Variants in CUX1 observed in about 807,000 individuals in gnomAD.
The protein encoded by CUX1 is cut like homeobox 1, also known as protein CASP.
CUX1 carries 31 observed loss-of-function variants against 158.8 expected under a neutral mutation model. That is an observed-to-expected ratio of 0.20 (90% confidence interval 0.15 to 0.26). CUX1 has a LOEUF of 0.26. CUX1 is among the 10% of genes least tolerant of loss of function. The pLI is 1.00. For synonymous variants in CUX1, 879 were observed against 862.1 expected (o/e 1.02, Z -0.34); for missense variants, 1,589 against 2,014.6 (o/e 0.79, Z 4.04).
At chr7:102,137,308 G>A (rs1383856347) in intron 8 of CUX1, among the ~76,000 whole-genome samples, 3 of 152,166 alleles carry the variant, frequency 2.0e-5, no homozygotes, top group Admixed American at 1.3e-4. Flanking sequence ...TTTCTATTAG[G>A]TCGGTGCAAA....
At chr7:101,972,639 C>T (rs1193939646) in intron 2 of CUX1, among the ~76,000 whole-genome samples, 1 of 152,238 alleles carries the variant, frequency 6.6e-6, no homozygotes, top group Non-Finnish European at 1.5e-5. Flanking sequence ...GCCCTCACCA[C>T]CTCCTGTGTA....
intron 1 of CUX1, among the ~76,000 whole-genome samples, chr7:101,821,614 A>C (rs1456396751): frequency 6.7e-6 from 1 of 148,344 alleles, no homozygotes; most frequent in Non-Finnish European, 1.5e-5. Context: ...CTGGGATTAC[A>C]GGCGTGAGCC....
Position 102,117,029 on chromosome 7 carries a change from G to A in CUX1, c.674+1756G>A, listed in dbSNP as rs1301115388. Among the ~76,000 whole-genome samples, 4 of 152,292 alleles carry A rather than the reference G, an allele frequency of 2.6e-5. No individual in the cohort carries two copies. In the East Asian group the frequency reaches 5.8e-4, roughly 22 times the overall value. Reference sequence around the variant, plus strand: ...GCATGCCCAGTGCTGCAATCAAGGGGACAGGGCGCTGACGGTCAGCAGGTC... The same window carrying A: ...GCATGCCCAGTGCTGCAATCAAGGGAACAGGGCGCTGACGGTCAGCAGGTC... On this transcript the variant is annotated intron_variant, in intron 8 of 23. Transcript: ENST00000292535.
intron 2 of CUX1, among the ~76,000 whole-genome samples, chr7:102,015,255 TCTCA>T (rs1277815526): frequency 6.6e-6 from 1 of 151,930 alleles, no homozygotes. Context: ...TGGGATGGAG[TCTCA>T]CTCTGTCACC....
At chr7:102,011,141 A>G (rs1443515145) in intron 2 of CUX1, among the ~76,000 whole-genome samples, 1 of 151,950 alleles carries the variant, frequency 6.6e-6, no homozygotes, top group Non-Finnish European at 1.5e-5. Context: ...AAGTAAAATT[A>G]TATTGTTATT....
At chr7:102,271,250 G>A (rs1459503157) in intron 14 of CUX1, among the ~76,000 whole-genome samples, 1 of 152,116 alleles carries the variant, frequency 6.6e-6, no homozygotes, top group Non-Finnish European at 1.5e-5. Flanking sequence ...GGAGCTTAAC[G>A]CCCTCTTTTT....
intron 2 of CUX1, among the ~76,000 whole-genome samples, chr7:102,006,877 G>A (rs528569294): frequency 8.5e-5 from 13 of 152,358 alleles, no homozygotes; most frequent in Admixed American, 2.6e-4. Context: ...GCAAGAAGCC[G>A]TCCCCGCCCA....
At chr7:101,849,606 G>A (rs1484539622) in intron 1 of CUX1, among the ~76,000 whole-genome samples, 1 of 152,080 alleles carries the variant, frequency 6.6e-6, no homozygotes, top group East Asian at 1.9e-4. Flanking sequence ...TTGATTCTAT[G>A]TCTTTGCTAT....
chr7:101,981,580 C>A (rs544942451), intron 2 of CUX1, among the ~76,000 whole-genome samples: 1 of 151,732 alleles, frequency 6.6e-6, no homozygotes, highest in Non-Finnish European at 1.5e-5. Flanking sequence ...GTGTTTGAAT[C>A]GTGAATGCAA....
intron 1 of CUX1, among the ~76,000 whole-genome samples, chr7:101,867,888 C>G (rs1008936792): frequency 1.3e-5 from 2 of 151,678 alleles, no homozygotes; most frequent in Non-Finnish European, 2.9e-5. Context: ...GATCTCAGCT[C>G]TTAGTAGAGA....
At chr7:102,005,957 G>A (rs571032268) in intron 2 of CUX1, among the ~76,000 whole-genome samples, 11 of 152,336 alleles carry the variant, frequency 7.2e-5, no homozygotes, top group African/African-American at 2.6e-4. Context: ...GGAGCGAGCG[G>A]CCGCGTGGAT....
chr7:102,223,462 G>A (rs1350938110), intron 20 of CUX1, among the ~76,000 whole-genome samples: 1 of 151,934 alleles, frequency 6.6e-6, no homozygotes, highest in Non-Finnish European at 1.5e-5. Flanking sequence ...ACCCTGTCAG[G>A]GTGGCGAGGG....
intron 1 of CUX1, among the ~76,000 whole-genome samples, chr7:101,837,053 C>T (rs1056568484): frequency 2.0e-5 from 3 of 152,162 alleles, no homozygotes; most frequent in Non-Finnish European, 4.4e-5. Flanking sequence ...CATTCTGAAA[C>T]AAGCCACTAT....
chr7:101,873,708 G>A (rs1222670037), intron 1 of CUX1, among the ~76,000 whole-genome samples: 4 of 151,814 alleles, frequency 2.6e-5, no homozygotes, highest in South Asian at 2.1e-4. Context: ...CTCAGCCTCC[G>A]GAGTAGCTGG....
intron 1 of CUX1, among the ~76,000 whole-genome samples, chr7:101,838,331 T>C (rs1794854688): frequency 6.6e-6 from 1 of 150,936 alleles, no homozygotes; most frequent in Non-Finnish European, 1.5e-5. Flanking sequence ...GCTTTCACCA[T>C]GTTGGCTAGG....
intron 1 of CUX1, among the ~76,000 whole-genome samples, chr7:101,838,858 G>A (rs771688955): frequency 1.3e-5 from 2 of 151,926 alleles, no homozygotes; most frequent in African/African-American, 4.8e-5. Context: ...CCAGACTGCC[G>A]TAACAGAATA....
chr7:101,917,304 G>A (rs999994431), intron 2 of CUX1, among the ~76,000 whole-genome samples: 14 of 152,218 alleles, frequency 9.2e-5, no homozygotes, highest in Non-Finnish European at 1.8e-4. Flanking sequence ...CTGCTGGCAT[G>A]AATCATTATG....
At chr7:101,914,282 G>A (rs776115286) in intron 1 of CUX1, among the ~76,000 whole-genome samples, 18 of 151,740 alleles carry the variant, frequency 1.2e-4, no homozygotes, top group Non-Finnish European at 2.4e-4. Context: ...CTGGTTTGTT[G>A]TTTTATTGTC....
chr7:102,248,379 C>T lies in CUX1; in HGVS notation c.3888-33C>T, dbSNP rs1801050616. ...CAGAGGCCCTTTCCCCAGCAGCACC[C>T]CCCTCACGTCCCCGCCGCTTGTTGT... On this transcript the variant is annotated intron_variant, in intron 23 of 23. Transcript: ENST00000292535. This position sits in a 1 kb window ranked among gnomAD's most constrained non-coding sequence, Gnocchi z 5.8. 6.5e-7 allele frequency: 1 copy of T among 1,549,842 alleles called. No individual in the cohort carries two copies. The highest frequency in any genetic ancestry group is 8.7e-7 in the Non-Finnish European group (1 of 1,152,822).
Sources: gnomAD v4.1 joint callset for allele counts (sites outside exome capture counted in the v4.1 genomes callset) on GRCh38, gnomAD v4.1.1 for gene constraint, Gnocchi (gnomAD v3.1) non-coding constraint, MANE v1.5 for transcripts, NCBI Gene and HGNC (gene_info 2026-07-23, HGNC 2026-07-21) for gene names.